PEAK1: variants seen among roughly 807,000 people sequenced by gnomAD.
PEAK1 encodes the protein inactive tyrosine-protein kinase PEAK1.
PEAK1 carries 54 observed loss-of-function variants against 124.7 expected under a neutral mutation model. The ratio of observed to expected loss-of-function variants is 0.43; its 90% CI spans 0.35 to 0.54. The LOEUF is 0.54. Among genes scored for constraint, PEAK1 ranks in the 20% least tolerant of loss-of-function variants. PEAK1 has a pLI of 0.01. For missense variants in PEAK1, 2,046 were observed against 2,134.5 expected (o/e 0.96, Z 0.82); for synonymous variants, 719 against 760.0 (o/e 0.95, Z 0.89).
intron 1 of PEAK1, among the ~76,000 whole-genome samples, chr15:77,417,122 A>T (rs1015166463): frequency 2.0e-5 from 3 of 151,922 alleles, no homozygotes; most frequent in Admixed American, 6.6e-5. Context: ...TGAGTCAGCT[A>T]CCCCTCCTCT....
intron 4 of PEAK1, 154 bp from the exon 5 acceptor site, chr15:77,284,184 G>A (rs2062807704): frequency 4.6e-6 from 1 of 219,024 alleles, no homozygotes; most frequent in Non-Finnish European, 7.7e-6. Flanking sequence ...TGAGATTAAT[G>A]TATGTAAAGA....
intron 2 of PEAK1, chr15:77,337,402 A>C (rs745533393): frequency 1.1e-6 from 1 of 949,438 alleles, no homozygotes; most frequent in African/African-American, 1.8e-5. Context: ...ATAATAATGT[A>C]AAGTAACTAC....
Position 77,133,051 on chromosome 15 carries a change from T to G in PEAK1, c.4031A>C (p.Tyr1344Ser). ...TGGATCTTTTGCATATGAAGCAGTA[T>G]AGTAAACCGCATCACCTGCCTCACA... ...PCCEAGDAVY[Y>S]TASYAKDPLN... The change falls in exon 9 of 10, where the codon TAT becomes TCT. Residue 1344 changes from tyrosine (Y) to serine (S), a missense_variant. Coordinates refer to ENST00000682557, the MANE Select transcript of PEAK1 (RefSeq NM_001385026.1). The surrounding 1 kb of genome is among the most constrained non-coding windows in gnomAD (Gnocchi z 4.2). 6.2e-7 allele frequency: 1 copy of G among 1,614,146 alleles called. No individual in the cohort carries two copies. Among genetic ancestry groups the G allele is most frequent in the Non-Finnish European group, 8.5e-7 (1 of 1,179,982 alleles).
chr15:77,201,796 TCATGG>T (rs1159252048), intron 6 of PEAK1, among the ~76,000 whole-genome samples: 2 of 152,182 alleles, frequency 1.3e-5, no homozygotes, highest in East Asian at 3.8e-4. Context: ...GTTAATATAT[TCATGG>T]CCACATTCCA....
chr15:77,253,654 C>A (rs1438144737), intron 5 of PEAK1, among the ~76,000 whole-genome samples: 1 of 152,010 alleles, frequency 6.6e-6, no homozygotes, highest in East Asian at 1.9e-4. Flanking sequence ...GCATTGTGAC[C>A]TAAAGGTTTT....
intron 1 of PEAK1, among the ~76,000 whole-genome samples, chr15:77,399,565 G>T (rs1465898276): frequency 6.6e-6 from 1 of 152,008 alleles, no homozygotes; most frequent in Non-Finnish European, 1.5e-5. Flanking sequence ...ACATACATTA[G>T]GACAGTCTCT....
At chr15:77,125,937 C>T (rs1265978737) in intron 9 of PEAK1, among the ~76,000 whole-genome samples, 2 of 152,146 alleles carry the variant, frequency 1.3e-5, no homozygotes, top group Admixed American at 6.5e-5. Flanking sequence ...GAGAGAGGAA[C>T]CAGAGTGTGC....
At chr15:77,326,963 A>G (rs2065616312) in intron 2 of PEAK1, among the ~76,000 whole-genome samples, 1 of 152,172 alleles carries the variant, frequency 6.6e-6, no homozygotes, top group African/African-American at 2.4e-5. Context: ...AAGTAAACAT[A>G]TTCAACAACA....
At chr15:77,161,217 A>G (rs2055609691) in intron 7 of PEAK1, among the ~76,000 whole-genome samples, 1 of 152,218 alleles carries the variant, frequency 6.6e-6, no homozygotes, top group East Asian at 1.9e-4. Flanking sequence ...CATAGATTCC[A>G]CTGAGTTCTG....
At chr15:77,243,255 G>A (rs1439444224) in intron 6 of PEAK1, among the ~76,000 whole-genome samples, 2 of 152,162 alleles carry the variant, frequency 1.3e-5, no homozygotes, top group East Asian at 3.8e-4. Flanking sequence ...ATATGTGTCA[G>A]ACTAAATTTG....
chr15:77,167,911 C>T (rs1342805434), intron 7 of PEAK1, among the ~76,000 whole-genome samples: 4 of 152,096 alleles, frequency 2.6e-5, no homozygotes, highest in Admixed American at 2.0e-4. Flanking sequence ...CGACAGGCCC[C>T]GGTGTGTGAG....
intron 6 of PEAK1, among the ~76,000 whole-genome samples, chr15:77,236,181 C>G (rs2060113366): frequency 6.6e-6 from 1 of 152,172 alleles, no homozygotes; most frequent in Middle Eastern, 3.2e-3. Flanking sequence ...CCTCCAGACC[C>G]CAGAATGGTA....
chr15:77,363,810 C>T (rs2068053911), intron 2 of PEAK1, among the ~76,000 whole-genome samples: 1 of 152,038 alleles, frequency 6.6e-6, no homozygotes, highest in East Asian at 1.9e-4. Context: ...ACATATTGTG[C>T]AACTCTATTT....
At chr15:77,374,315 T>C (rs1032412017) in intron 1 of PEAK1, among the ~76,000 whole-genome samples, 2 of 152,156 alleles carry the variant, frequency 1.3e-5, no homozygotes, top group Non-Finnish European at 2.9e-5. Flanking sequence ...TTACTAGGTA[T>C]ATTAATTATA....
At chr15:77,303,424 C>A (rs2063895749) in intron 2 of PEAK1, among the ~76,000 whole-genome samples, 1 of 152,056 alleles carries the variant, frequency 6.6e-6, no homozygotes, top group Non-Finnish European at 1.5e-5. Context: ...AGAATTTGGT[C>A]AGTGTTTTGA....
chr15:77,258,910 A>C (rs1163036191), intron 5 of PEAK1, among the ~76,000 whole-genome samples: 3 of 152,148 alleles, frequency 2.0e-5, no homozygotes, highest in African/African-American at 4.8e-5. Flanking sequence ...ATCAATACCT[A>C]ATTTATTGAG....
At chr15:77,172,591 G>A (rs895831996) in intron 7 of PEAK1, among the ~76,000 whole-genome samples, 2 of 152,160 alleles carry the variant, frequency 1.3e-5, no homozygotes, top group Non-Finnish European at 2.9e-5. Context: ...TCATGAAAGA[G>A]GGGGCTAGTT....
chr15:77,184,331 C>A (rs1016921087), intron 6 of PEAK1, among the ~76,000 whole-genome samples: 3 of 151,726 alleles, frequency 2.0e-5, no homozygotes, highest in African/African-American at 7.3e-5. Context: ...CTGATGCTAG[C>A]GAGGATGTGA....
intron 1 of PEAK1, among the ~76,000 whole-genome samples, chr15:77,372,534 TA>T (rs2068716311): frequency 6.6e-6 from 1 of 152,232 alleles, no homozygotes; most frequent in Non-Finnish European, 1.5e-5. Flanking sequence ...AGCGAGGGTT[TA>T]ATCACACTCT....
Sources: gnomAD v4.1 joint callset for allele counts (sites outside exome capture counted in the v4.1 genomes callset) on GRCh38, gnomAD v4.1.1 for gene constraint, Gnocchi (gnomAD v3.1) non-coding constraint, MANE v1.5 for transcripts, NCBI Gene and HGNC (gene_info 2026-07-23, HGNC 2026-07-21) for gene names.